Variants in FREM2 observed in about 807,000 individuals in gnomAD.
The protein encoded by FREM2 is FRAS1 related extracellular matrix 2.
Under a neutral mutation model 219.9 loss-of-function variants are expected in FREM2, and 119 were observed. The observed-to-expected ratio is 0.54, with a 90% CI of 0.47 to 0.63. FREM2 has a LOEUF of 0.63. Ranked by LOEUF, FREM2 falls within the 30% of genes least tolerant of loss-of-function variation. The pLI is 0.00. For missense variants in FREM2, 4,030 were observed against 3,993.6 expected, an observed-to-expected ratio of 1.01 and a Z score of -0.25; for synonymous variants, 1,562 against 1,522.8, an observed-to-expected ratio of 1.03 and a Z score of -0.60.
intron 6 of FREM2, among the ~76,000 whole-genome samples, chr13:38,837,765 G>GTTTTTTTTTTTTTTTTTT (rs151057502): frequency 7.1e-6 from 1 of 140,448 alleles, no homozygotes; most frequent in African/African-American, 2.6e-5. Flanking sequence ...GCAACCCCTG[G>GTTTTTTTTTTTTTTTTTT]TTTTTTTTTG....
intron 2 of FREM2, among the ~76,000 whole-genome samples, chr13:38,739,840 G>A (rs1872167708): frequency 6.6e-6 from 1 of 152,112 alleles, no homozygotes; most frequent in Non-Finnish European, 1.5e-5. Context: ...TAAAGTAGTT[G>A]GAACACATGG....
chr13:38,795,405 G>C (rs1233723797), intron 6 of FREM2, among the ~76,000 whole-genome samples: 2 of 148,852 alleles, frequency 1.3e-5, no homozygotes, highest in African/African-American at 5.0e-5. Flanking sequence ...ACTATTCCCT[G>C]ACTAAAGATA....
intron 2 of FREM2, among the ~76,000 whole-genome samples, chr13:38,711,256 G>A (rs1185663409): frequency 6.6e-6 from 1 of 152,158 alleles, no homozygotes; most frequent in Non-Finnish European, 1.5e-5. Flanking sequence ...CAGCCAGTAT[G>A]TATGTGGTAA....
At chr13:38,869,905 A>G (rs1878102097) in intron 16 of FREM2, among the ~76,000 whole-genome samples, 1 of 152,222 alleles carries the variant, frequency 6.6e-6, no homozygotes, top group African/African-American at 2.4e-5. Flanking sequence ...TGTCCTGGCT[A>G]GCTGTTTTGC....
intron 6 of FREM2, among the ~76,000 whole-genome samples, chr13:38,795,120 T>C (rs1407824480): frequency 6.6e-6 from 1 of 152,068 alleles, no homozygotes; most frequent in Non-Finnish European, 1.5e-5. Flanking sequence ...ATATAAGTAT[T>C]ACCTAATGAT....
intron 16 of FREM2, among the ~76,000 whole-genome samples, chr13:38,870,051 A>C (rs547054842): frequency 1.3e-5 from 2 of 152,316 alleles, no homozygotes; most frequent in Non-Finnish European, 2.9e-5. Flanking sequence ...TAATGTACTT[A>C]TCAGAAGACA....
chr13:38,876,271 T>C lies in FREM2; in HGVS notation c.8433T>C (p.Tyr2811=). ...AGGTACGTGACTACTCAGGGACCTATACTGTGAAGCTGGTGCCATGCACTG... is the reference window on the plus strand; with the variant it reads ...AGGTACGTGACTACTCAGGGACCTACACTGTGAAGCTGGTGCCATGCACTG... The part of the protein sequence containing the change: ...DFAVRDYSGT[Y]TVKLVPCTAP... Residue 2811 remains tyrosine, a synonymous_variant, in exon 20 of 24, where the codon TAT becomes TAC. Coordinates refer to ENST00000280481, the MANE Select transcript of FREM2 (RefSeq NM_207361.6). The C allele has an allele frequency of 6.2e-7, 1 of 1,614,144 alleles. No homozygotes were observed. The highest frequency in any genetic ancestry group is 1.3e-5 in the African/African-American group (1 of 75,038).
intron 16 of FREM2, 143 bp downstream of exon 16, chr13:38,864,749 C>A: frequency 2.7e-6 from 2 of 735,880 alleles, no homozygotes; most frequent in Non-Finnish European, 2.4e-6. Context: ...AGACAACTGG[C>A]ATGGATGGTG....
chr13:38,766,674 A>C (rs1044511280), intron 3 of FREM2, among the ~76,000 whole-genome samples: 1 of 152,198 alleles, frequency 6.6e-6, no homozygotes, highest in African/African-American at 2.4e-5. Context: ...TATATTCTCA[A>C]AGATTATTAT....
Position 38,688,937 on chromosome 13 carries a change from C to T in FREM2, c.1593C>T (p.Asn531=), listed in dbSNP as rs1440161581. ...HDDRDGSLSD[N]LVLRMVDGGG... ...ACAGAGACGGCTCGCTGAGCGACAACCTGGTGCTTCGCATGGTGGATGGAG... is the reference window on the plus strand; with the variant it reads ...ACAGAGACGGCTCGCTGAGCGACAATCTGGTGCTTCGCATGGTGGATGGAG... The change falls in exon 1 of 24, where the codon AAC becomes AAT. Residue 531 remains asparagine (N), a synonymous_variant. Coordinates refer to ENST00000280481, the MANE Select transcript of FREM2 (RefSeq NM_207361.6). The T allele has an allele frequency of 1.2e-6, 2 of 1,612,928 alleles. No individual in the cohort carries two copies. Among genetic ancestry groups the T allele is most frequent in the African/African-American group, 1.3e-5 (1 of 74,988 alleles).
At chr13:38,768,287 G>T (rs1259621187) in intron 3 of FREM2, among the ~76,000 whole-genome samples, 3 of 151,892 alleles carry the variant, frequency 2.0e-5, no homozygotes, top group African/African-American at 7.3e-5. Flanking sequence ...ATGCATTTAT[G>T]TATTTTTAAT....
chr13:38,796,283 A>G (rs1401457669), intron 6 of FREM2, among the ~76,000 whole-genome samples: 1 of 151,990 alleles, frequency 6.6e-6, no homozygotes, highest in East Asian at 1.9e-4. Flanking sequence ...TTCCAGAGCA[A>G]TTTCTCTCTG....
intron 2 of FREM2, among the ~76,000 whole-genome samples, chr13:38,741,312 G>A (rs972296376): frequency 6.6e-6 from 1 of 152,118 alleles, no homozygotes; most frequent in African/African-American, 2.4e-5. Flanking sequence ...ATGAAGTTGA[G>A]TAGGTGCCAG....
At chr13:38,841,150 C>A (rs1207110380) in intron 6 of FREM2, among the ~76,000 whole-genome samples, 1 of 152,176 alleles carries the variant, frequency 6.6e-6, no homozygotes, top group Non-Finnish European at 1.5e-5. Flanking sequence ...GTACACACCT[C>A]AGTGGGTGGT....
intron 2 of FREM2, among the ~76,000 whole-genome samples, chr13:38,729,735 G>A (rs910080480): frequency 2.0e-5 from 3 of 152,122 alleles, no homozygotes; most frequent in South Asian, 2.1e-4. Flanking sequence ...ATATCTAGAC[G>A]TTCCACATTT....
chr13:38,798,746 G>GT (rs1295596820), intron 6 of FREM2, among the ~76,000 whole-genome samples: 1 of 151,832 alleles, frequency 6.6e-6, no homozygotes, highest in Non-Finnish European at 1.5e-5. Context: ...TTTCCAGTTT[G>GT]TTTGTTAGTC....
At chr13:38,693,990 A>G (rs1377194801) in intron 1 of FREM2, among the ~76,000 whole-genome samples, 2 of 152,224 alleles carry the variant, frequency 1.3e-5, no homozygotes, top group Admixed American at 1.3e-4. Context: ...AGAGAATGAA[A>G]GGAATATATT....
At chr13:38,771,162 C>A (rs1873647263) in intron 4 of FREM2, among the ~76,000 whole-genome samples, 1 of 152,168 alleles carries the variant, frequency 6.6e-6, no homozygotes, top group African/African-American at 2.4e-5. Flanking sequence ...ACTAACAACT[C>A]TGCCTTTAGT....
chr13:38,852,904 C>G (rs1877424741), intron 11 of FREM2, among the ~76,000 whole-genome samples: 1 of 151,804 alleles, frequency 6.6e-6, no homozygotes, highest in Non-Finnish European at 1.5e-5. Context: ...TGGGGTTTTA[C>G]CATGTTGGCC....
Sources: gnomAD v4.1 joint callset for allele counts (sites outside exome capture counted in the v4.1 genomes callset) on GRCh38, gnomAD v4.1.1 for gene constraint, MANE v1.5 for transcripts, NCBI Gene and HGNC (gene_info 2026-07-23, HGNC 2026-07-21) for gene names.